The following NELL1 variants were observed in gnomAD, a reference collection of about 807,000 sequenced individuals.
NELL1 encodes neural EGFL like 1.
Under a neutral mutation model 107.4 loss-of-function variants are expected in NELL1, and 76 were observed. The observed-to-expected ratio is 0.71, with a 90% confidence interval of 0.59 to 0.86. NELL1 has a LOEUF of 0.86. Among genes scored for constraint, NELL1 ranks in the 40% least tolerant of loss-of-function variants. The pLI is 0.00. For synonymous variants in NELL1, 353 were observed against 341.2 expected, an observed-to-expected ratio of 1.03 and a Z score of -0.38; for missense variants, 1,024 against 1,005.5, an observed-to-expected ratio of 1.02 and a Z score of -0.25.
At chr11:21,034,329 C>T (rs2134321534) in intron 12 of NELL1, among the ~76,000 whole-genome samples, 1 of 152,268 alleles carries the variant, frequency 6.6e-6, no homozygotes, top group South Asian at 2.1e-4. Flanking sequence ...AGGTACGTGG[C>T]CTTATTTCTG....
intron 14 of NELL1, among the ~76,000 whole-genome samples, chr11:21,346,167 C>G (rs962153422): frequency 1.3e-5 from 2 of 152,170 alleles, no homozygotes; most frequent in Non-Finnish European, 1.5e-5. Context: ...AAACATCTCT[C>G]TCTTCCTCTG....
intron 2 of NELL1, among the ~76,000 whole-genome samples, chr11:20,689,217 G>T (rs1854387791): frequency 6.6e-6 from 1 of 151,854 alleles, no homozygotes; most frequent in Non-Finnish European, 1.5e-5. Context: ...TTCTCTCATT[G>T]TGTATGCTGC....
chr11:21,148,547 G>A (rs1202675739), intron 13 of NELL1, among the ~76,000 whole-genome samples: 1 of 152,166 alleles, frequency 6.6e-6, no homozygotes, highest in Non-Finnish European at 1.5e-5. Context: ...GGGTTTATGA[G>A]CCTTACTTCA....
intron 13 of NELL1, among the ~76,000 whole-genome samples, chr11:21,173,246 G>C (rs983342778): frequency 1.5e-4 from 23 of 151,712 alleles, no homozygotes; most frequent in Non-Finnish European, 4.4e-5. Flanking sequence ...GGAGGCAAAG[G>C]GGGTAAATTT....
In NELL1 at chr11:21,168,908, A is replaced by G. The variant is rs76621415; in HGVS notation, c.1426+55194A>G. 1.2e-4 allele frequency among the ~76,000 whole-genome samples: 18 copies of G among 152,038 alleles called. No individual in the cohort carries two copies. The East Asian group carries it at 3.5e-3, about 29-fold the overall frequency. On this transcript the variant is annotated intron_variant, in intron 13 of 19. Coordinates refer to ENST00000357134, the MANE Select transcript of NELL1 (RefSeq NM_006157.5). ...GTATTTGCATTGGTTAAACTTCTTC[A>G]GTCCTACGAGAGGACTTTATTGCTA...
intron 14 of NELL1, among the ~76,000 whole-genome samples, chr11:21,334,773 T>C (rs1485722372): frequency 6.6e-6 from 1 of 151,986 alleles, no homozygotes; most frequent in African/African-American, 2.4e-5. Context: ...TGCAATTGTG[T>C]AGATGCTTTA....
chr11:21,228,014 G>C (rs966715532), intron 13 of NELL1, among the ~76,000 whole-genome samples: 1 of 152,082 alleles, frequency 6.6e-6, no homozygotes, highest in Admixed American at 6.5e-5. Flanking sequence ...AAACTATATT[G>C]AATTTTTTGT....
intron 15 of NELL1, among the ~76,000 whole-genome samples, chr11:21,416,561 G>A (rs1324424936): frequency 6.6e-6 from 1 of 152,130 alleles, no homozygotes; most frequent in African/African-American, 2.4e-5. Context: ...AGAAAGTTGA[G>A]ATGACAGATA....
intron 9 of NELL1, among the ~76,000 whole-genome samples, chr11:20,932,940 T>C (rs1203573852): frequency 6.6e-6 from 1 of 152,222 alleles, no homozygotes; most frequent in Non-Finnish European, 1.5e-5. Context: ...GAAAACGTCA[T>C]AGGTAACAGC....
At chr11:21,097,337 G>A (rs566009023) in intron 12 of NELL1, among the ~76,000 whole-genome samples, 2 of 152,286 alleles carry the variant, frequency 1.3e-5, no homozygotes, top group Non-Finnish European at 2.9e-5. Context: ...TCTCAGCAAG[G>A]CAATGTATTT....
chr11:20,974,873 C>T (rs1357039253), intron 12 of NELL1, among the ~76,000 whole-genome samples: 3 of 152,212 alleles, frequency 2.0e-5, no homozygotes, highest in South Asian at 2.1e-4. Flanking sequence ...ATACTTTCTA[C>T]AACCTGATGC....
chr11:20,998,320 T>C (rs34986050), intron 12 of NELL1, among the ~76,000 whole-genome samples: 31,195 of 152,208 alleles, frequency 0.2, 3,458 homozygotes, highest in Middle Eastern at 0.34. Flanking sequence ...ATAGATTAAT[T>C]TTCCCTCAGA....
At chr11:20,927,048 C>T (rs1850511649) in intron 7 of NELL1, 1 of 388,734 alleles carries the variant, frequency 2.6e-6, no homozygotes, top group Non-Finnish European at 4.6e-6. Flanking sequence ...TTATGAACAC[C>T]CATGAGGTTC....
At chr11:20,903,046 A>C (rs568873652) in intron 5 of NELL1, among the ~76,000 whole-genome samples, 1 of 152,014 alleles carries the variant, frequency 6.6e-6, no homozygotes, top group Non-Finnish European at 1.5e-5. Context: ...TATATTGAGG[A>C]TATTTTATTT....
chr11:21,502,693 C>G (rs1035786620), intron 15 of NELL1, among the ~76,000 whole-genome samples: 17 of 152,094 alleles, frequency 1.1e-4, no homozygotes, highest in African/African-American at 4.1e-4. Context: ...ATTCATGTGG[C>G]AAGTAGATGT....
chr11:20,956,607 C>T (rs890816685), intron 11 of NELL1, among the ~76,000 whole-genome samples: 3 of 149,762 alleles, frequency 2.0e-5, no homozygotes, highest in African/African-American at 7.4e-5. Context: ...GATCACGCCA[C>T]TGCACTCCAG....
intron 12 of NELL1, among the ~76,000 whole-genome samples, chr11:21,079,874 G>A (rs1055362436): frequency 6.6e-6 from 1 of 152,046 alleles, no homozygotes; most frequent in African/African-American, 2.4e-5. Context: ...TGCTATGAAT[G>A]CCACTTACAG....
rs151032931 is a variant in NELL1 at position 21,154,160 on chromosome 11, T to TG, written c.1426+40447dup. On this transcript the variant is annotated intron_variant, in intron 13 of 19. Coordinates refer to ENST00000357134, the MANE Select transcript of NELL1 (RefSeq NM_006157.5). ...GAGCTGAGACCAGTTATGGATAAAA[T>TG]GTTGATGTTTTGTGAAGTTTGTATA... Among the ~76,000 whole-genome samples, 210 of 152,290 alleles carry TG rather than the reference T, an allele frequency of 1.4e-3. 2 individuals are homozygous for TG. Among genetic ancestry groups the TG allele is most frequent in the African/African-American group, 4.8e-3 (201 of 41,574 alleles).
intron 12 of NELL1, among the ~76,000 whole-genome samples, chr11:20,985,293 A>T (rs1851830511): frequency 1.3e-5 from 2 of 152,130 alleles, no homozygotes; most frequent in South Asian, 4.1e-4. Context: ...GAAAGATAAA[A>T]CTTTATATAT....
Sources: gnomAD v4.1 joint callset for allele counts (sites outside exome capture counted in the v4.1 genomes callset) on GRCh38, gnomAD v4.1.1 for gene constraint, MANE v1.5 for transcripts, NCBI Gene and HGNC (gene_info 2026-07-23, HGNC 2026-07-21) for gene names.